The following YEATS2 variants were observed in gnomAD, a reference collection of about 807,000 sequenced individuals.
The protein encoded by YEATS2 is YEATS domain-containing protein 2.
Under a neutral mutation model 163.2 loss-of-function variants are expected in YEATS2, and 77 were observed. The ratio of observed to expected loss-of-function variants is 0.47; its 90% CI spans 0.39 to 0.57. The LOEUF (loss-of-function observed/expected upper bound fraction) is 0.57. YEATS2 is among the 20% of genes least tolerant of loss of function. YEATS2 has a pLI of 0.00. For synonymous variants in YEATS2, 631 were observed against 645.1 expected, an observed-to-expected ratio of 0.98 and a Z score of 0.33; for missense variants, 1,549 against 1,729.8, an observed-to-expected ratio of 0.90 and a Z score of 1.85.
chr3:183,730,152 C>T (rs1717624844), intron 7 of YEATS2, among the ~76,000 whole-genome samples: 1 of 141,218 alleles, frequency 7.1e-6, no homozygotes, highest in Non-Finnish European at 1.5e-5. Flanking sequence ...GCAACCTCCA[C>T]CCCCCAGGTT....
At position 183,752,108 on chromosome 3, in the gene YEATS2, A is replaced by G. The variant is rs1464385051; in HGVS notation, c.1005A>G (p.Gly335=). The G allele has an allele frequency of 6.2e-6, 10 of 1,614,082 alleles. No individual in the cohort carries two copies. Among genetic ancestry groups the G allele is most frequent in the Non-Finnish European group, 8.5e-6 (10 of 1,180,016 alleles). Residue 335 remains glycine (G), a synonymous_variant, in exon 10 of 31, where the codon GGA becomes GGG. Transcript: ENST00000305135. ...VDVELHRHSL[G]EDCIYPQSSE... The stretch of plus-strand genomic sequence containing the variant: ...TTGAACTCCATCGCCATTCTCTCGG[A>G]GAAGACTGTATCTATCCTCAGTCCT...
chr3:183,726,987 G>T (rs1717175361), intron 6 of YEATS2, among the ~76,000 whole-genome samples: 1 of 152,130 alleles, frequency 6.6e-6, no homozygotes. Context: ...TCTTAGTAGA[G>T]ATGGGGTTTC....
rs199875923 is a variant in YEATS2 at position 183,728,840 on chromosome 3, T to C, written c.801T>C (p.Leu267=). The C allele has an allele frequency of 3.4e-5, 55 of 1,609,508 alleles. No homozygotes were observed. Among genetic ancestry groups the C allele is most frequent in the Non-Finnish European group, 4.3e-5 (51 of 1,178,802 alleles). ...ATCCTAGCTATAAACCAAATGACCT[T>C]GTGGAAGTTAGGTAAGCACGCTTGA... The part of the protein sequence containing the change: ...FLHPSYKPND[L]VEVREPPFHL... The change falls in exon 7 of 31, where the codon CTT becomes CTC. Residue 267 remains leucine, a synonymous_variant. Coordinates refer to ENST00000305135, the MANE Select transcript of YEATS2 (RefSeq NM_018023.5).
intron 1 of YEATS2, among the ~76,000 whole-genome samples, chr3:183,713,997 G>T (rs1483940422): frequency 6.6e-6 from 1 of 152,006 alleles, no homozygotes; most frequent in East Asian, 1.9e-4. Flanking sequence ...TAGAGATGGG[G>T]TTTCACCATA....
At chr3:183,742,045 CA>C (rs35894648) in intron 8 of YEATS2, among the ~76,000 whole-genome samples, 239 of 125,246 alleles carry the variant, frequency 1.9e-3, no homozygotes, top group Admixed American at 1.9e-3. Context: ...CTCATCTCTA[CA>C]AAAAAAAAAA....
At chr3:183,780,390 G>A (rs1241177985) in intron 19 of YEATS2, among the ~76,000 whole-genome samples, 1 of 152,168 alleles carries the variant, frequency 6.6e-6, no homozygotes, top group East Asian at 1.9e-4. Context: ...GTTTTTCCAC[G>A]CTTCTGTGGC....
intron 21 of YEATS2, among the ~76,000 whole-genome samples, chr3:183,796,229 C>T (rs867707521): frequency 6.0e-5 from 9 of 149,280 alleles, no homozygotes; most frequent in South Asian, 2.1e-4. Context: ...AACTCCTGAC[C>T]GCAGGTGATC....
intron 29 of YEATS2, 167 bp from the exon 30 acceptor site, chr3:183,808,930 C>A: frequency 2.3e-5 from 13 of 565,950 alleles, no homozygotes; most frequent in South Asian, 6.9e-5. Context: ...GAATCATGGC[C>A]TTTATCATTA....
chr3:183,810,804 A>T lies in YEATS2; in HGVS notation c.*221A>T. On this transcript the variant is annotated 3_prime_UTR_variant, in exon 31 of 31. Transcript: ENST00000305135. ...TTCCTGAGTGTGGAGTGAGGCTGTC[A>T]GTGGATCCGTGCTTTGTCGGCCAGC... 1 of 536,632 alleles carries T rather than the reference A, an allele frequency of 1.9e-6. No homozygotes were observed. Among genetic ancestry groups the T allele is most frequent in the Non-Finnish European group, 3.4e-6 (1 of 297,270 alleles). 33.2% of individuals were successfully genotyped at this position (536,632 alleles called of 1,614,324 possible).
chr3:183,800,642 A>C, intron 24 of YEATS2, 74 bp downstream of exon 24: 2 of 1,257,896 alleles, frequency 1.6e-6, no homozygotes. Context: ...GAGTATGTGC[A>C]GAGTTGTGTG....
At chr3:183,725,130 A>G (rs1002307380) in intron 6 of YEATS2, among the ~76,000 whole-genome samples, 2 of 133,788 alleles carry the variant, frequency 1.5e-5, no homozygotes, top group Non-Finnish European at 3.1e-5. Flanking sequence ...TCATTTGGAT[A>G]TTATTTTCTC....
intron 1 of YEATS2, among the ~76,000 whole-genome samples, chr3:183,707,027 G>A (rs1474003738): frequency 6.6e-6 from 1 of 152,184 alleles, no homozygotes; most frequent in Non-Finnish European, 1.5e-5. Flanking sequence ...GGCTCTGTGT[G>A]TAAGATATTT....
At chr3:183,736,078 A>G (rs534478959) in intron 7 of YEATS2, among the ~76,000 whole-genome samples, 1 of 152,298 alleles carries the variant, frequency 6.6e-6, no homozygotes, top group Non-Finnish European at 1.5e-5. Context: ...AGTTATTAAC[A>G]ATTTGCTCTT....
rs1717372721 is a variant in YEATS2, at chr3:183,728,573, A to G, written c.651-117A>G. On this transcript the variant is annotated intron_variant, in intron 6 of 30. Transcript: ENST00000305135. Reference sequence around the variant, plus strand: ...CTCATTTTGCTTGTTTAGGTGATGTAGTTGTTAAATATTGCAGGAATTTTA... The same window carrying G: ...CTCATTTTGCTTGTTTAGGTGATGTGGTTGTTAAATATTGCAGGAATTTTA... 3.3e-6 allele frequency: 3 copies of G among 914,438 alleles called. No homozygotes were observed. The South Asian group carries it at 6.7e-5, about 20-fold the overall frequency. The allele number at this position is 914,438 out of a possible 1,614,324, so 56.6% of individuals were successfully genotyped here. A position where few individuals can be genotyped will look rare whatever the true frequency, so the allele number is the denominator to read the frequency against.
rs114505972 is a variant in YEATS2 at position 183,799,247 on chromosome 3, A to G, written c.3325+258A>G. 5.5e-3 allele frequency among the ~76,000 whole-genome samples: 837 copies of G among 152,356 alleles called. 10 individuals carry two copies. The highest frequency in any genetic ancestry group is 0.017 in the African/African-American group (712 of 41,580). ...GTAATTTATAATCAGGTTGAAAACA[A>G]TTGCTGTAGATAGCAAGCAATCATT... On this transcript the variant is annotated intron_variant, in intron 23 of 30. Coordinates refer to ENST00000305135, the MANE Select transcript of YEATS2 (RefSeq NM_018023.5).
Position 183,760,204 on chromosome 3 carries a change from T to C in YEATS2, c.1656+1239T>C, listed in dbSNP as rs576288186. Among the ~76,000 whole-genome samples the C allele has an allele frequency of 1.1e-3, 170 of 152,328 alleles. 3 individuals are homozygous for C. The South Asian group carries it at 0.034, about 30-fold the overall frequency. ...CTGCTGGTTTAATTTTTATTGTTTG[T>C]TGGTGATCATTTTACTTTACAGCCA... On this transcript the variant is annotated intron_variant, in intron 13 of 30. Coordinates refer to ENST00000305135, the MANE Select transcript of YEATS2 (RefSeq NM_018023.5).
intron 1 of YEATS2, among the ~76,000 whole-genome samples, chr3:183,702,436 C>A (rs1388316966): frequency 6.6e-6 from 1 of 151,818 alleles, no homozygotes; most frequent in Non-Finnish European, 1.5e-5. Flanking sequence ...CATAGTGAGA[C>A]ACTGTCTCAA....
chr3:183,787,843 A>G (rs1289041869), intron 20 of YEATS2, among the ~76,000 whole-genome samples: 1 of 148,866 alleles, frequency 6.7e-6, no homozygotes, highest in Admixed American at 6.7e-5. Flanking sequence ...TAAAAATACA[A>G]AAAAAAAAAA....
At chr3:183,776,167 G>T in intron 18 of YEATS2, 44 bp downstream of exon 18, 1 of 1,501,692 alleles carries the variant, frequency 6.7e-7, no homozygotes, top group East Asian at 2.3e-5. Context: ...TTAGCTATTG[G>T]ATAACTATGC....
Sources: allele counts gnomAD v4.1 joint callset (sites outside exome capture counted in the v4.1 genomes callset), GRCh38; gene constraint gnomAD v4.1.1; transcripts MANE v1.5; gene names NCBI Gene and HGNC (gene_info 2026-07-23, HGNC 2026-07-21).